Variants in KMT2B observed in about 807,000 individuals in gnomAD.
KMT2B encodes histone-lysine N-methyltransferase 2B.
In KMT2B, 22 loss-of-function variants were observed where a neutral mutation model predicts 255.3. The ratio of observed to expected loss-of-function variants is 0.09; its 90% CI spans 0.06 to 0.12. The LOEUF (loss-of-function observed/expected upper bound fraction) is 0.12. KMT2B is among the 10% of genes least tolerant of loss of function. The probability of loss-of-function intolerance (pLI) is 1.00; values close to 1 mark genes in which losing one functional copy is unlikely to be tolerated. For missense variants in KMT2B, 3,149 were observed against 3,737.0 expected, an observed-to-expected ratio of 0.84 and a Z score of 4.10; for synonymous variants, 1,730 against 1,498.1, an observed-to-expected ratio of 1.15 and a Z score of -3.57.
intron 19 of KMT2B, 96 bp downstream of exon 19, chr19:35,728,267 T>G (rs1172186007): frequency 1.8e-6 from 2 of 1,119,396 alleles, no homozygotes; most frequent in Admixed American, 2.0e-5. Context: ...TGAGCAGAGG[T>G]AGGGTCTGGA....
chr19:35,727,509 G>T lies in KMT2B; in HGVS notation c.4189G>T (p.Ala1397Ser). The change falls in exon 16 of 37, where the codon GCG becomes TCG. Residue 1397 changes from alanine to serine, a missense_variant. Coordinates refer to ENST00000420124, the MANE Select transcript of KMT2B (RefSeq NM_014727.3). The surrounding 1 kb of genome is among the most constrained non-coding windows in gnomAD (Gnocchi z 4.2). The part of the protein sequence containing the change: ...LYTCGPCAGA[A>S]QPRWREALSG... Reference sequence around the variant, plus strand: ...CACCTGCGGACCGTGTGCTGGGGCAGCGCAGCCCCGCTGGCGAGAGGCCCT... The same window carrying T: ...CACCTGCGGACCGTGTGCTGGGGCATCGCAGCCCCGCTGGCGAGAGGCCCT... The T allele has an allele frequency of 6.2e-7, 1 of 1,611,092 alleles. No homozygotes were observed. Among genetic ancestry groups the T allele is most frequent in the Non-Finnish European group, 8.5e-7 (1 of 1,179,808 alleles).
Position 35,728,262 on chromosome 19 carries a change from A to G in KMT2B, c.4571+91A>G. 8.7e-6 allele frequency: 10 copies of G among 1,155,036 alleles called. No homozygotes were observed. The South Asian group carries it at 1.3e-4, about 15-fold the overall frequency. The allele number at this position is 1,155,036 out of a possible 1,614,324, so 71.5% of individuals were successfully genotyped here. On this transcript the variant is annotated intron_variant, in intron 19 of 36. Coordinates refer to ENST00000420124, the MANE Select transcript of KMT2B (RefSeq NM_014727.3). Reference sequence around the variant, plus strand: ...CACGCTGGGCTGAGAAGAGATGAGCAGAGGTAGGGTCTGGAGCAGAGCTGG... The same window carrying G: ...CACGCTGGGCTGAGAAGAGATGAGCGGAGGTAGGGTCTGGAGCAGAGCTGG...
intron 2 of KMT2B, 64 bp downstream of exon 2, chr19:35,719,605 GCTCTTCCCTGTTCAA>G (rs1969099026): frequency 6.5e-7 from 1 of 1,529,394 alleles, no homozygotes; most frequent in East Asian, 2.3e-5. Flanking sequence ...CTTCGTGTCA[GCTCTTCCCTGTTCAA>G]CTAGCCTCTG....
At chr19:35,728,284 C>A (rs1469394818) in intron 19 of KMT2B, 113 bp downstream of exon 19, 4 of 931,382 alleles carry the variant, frequency 4.3e-6, no homozygotes, top group Non-Finnish European at 6.6e-6. Flanking sequence ...TGGAGCAGAG[C>A]TGGAGAGGAG....
At chr19:35,724,763 C>A in intron 9 of KMT2B, 32 bp downstream of exon 9, 1 of 1,536,898 alleles carries the variant, frequency 6.5e-7, no homozygotes, top group East Asian at 2.4e-5. Flanking sequence ...AGCCCCTTCC[C>A]TCCAGGAGCT....
At position 35,728,140 on chromosome 19, in the gene KMT2B, A is replaced by G; in HGVS notation, c.4540A>G (p.Lys1514Glu). The G allele has an allele frequency of 6.3e-7, 1 of 1,599,914 alleles. No homozygotes were observed. Reference protein sequence around the residue: ...AFGWFDAHDPKYWRRSTRLPN... With the variant: ...AFGWFDAHDPEYWRRSTRLPN... ...CGGCTGGTTCGACGCCCACGACCCC[A>G]AGTACTGGCGACGGAGTACCCGGCT... Residue 1514 changes from lysine (K) to glutamate (E), a missense_variant, in exon 19 of 37, where the codon AAG becomes GAG. Transcript: ENST00000420124.
chr19:35,728,328 T>C (rs1251304621), intron 19 of KMT2B, among the ~76,000 whole-genome samples, 157 bp downstream of exon 19: 4 of 152,030 alleles, frequency 2.6e-5, no homozygotes, highest in African/African-American at 9.7e-5. Flanking sequence ...CCCTGGTGGT[T>C]CTAGACTAGC....
In KMT2B at chr19:35,718,547, C is replaced by A. The variant is rs1444858013; in HGVS notation, c.363+166C>A. 6.6e-6 allele frequency among the ~76,000 whole-genome samples: 1 copy of A among 152,188 alleles called. No homozygotes were observed. The highest frequency in any genetic ancestry group is 1.5e-5 in the Non-Finnish European group (1 of 68,026). On this transcript the variant is annotated intron_variant, in intron 1 of 36. Transcript: ENST00000420124. The surrounding 1 kb of genome is among the most constrained non-coding windows in gnomAD (Gnocchi z 5.0). ...TGCATGCAGCTTCCGGGGGAAAGGG[C>A]CTCTGGAAGTGGGTAGAGAAGCCCC...
In KMT2B at chr19:35,723,634, C is replaced by T; in HGVS notation, c.3059-98C>T. ...TTCTCCGTTGTGTGCTTTCATAGCT[C>T]CTGCGTTCATTCCCTGCCCCGCTTC... On this transcript the variant is annotated intron_variant, in intron 7 of 36. Coordinates refer to ENST00000420124, the MANE Select transcript of KMT2B (RefSeq NM_014727.3). This position sits in a 1 kb window ranked among gnomAD's most constrained non-coding sequence, Gnocchi z 7.5. 5 of 1,305,656 alleles carry T rather than the reference C, an allele frequency of 3.8e-6. No individual in the cohort carries two copies. The highest frequency in any genetic ancestry group is 5.2e-6 in the Non-Finnish European group (5 of 956,544). 80.9% of individuals were successfully genotyped at this position (1,305,656 alleles called of 1,614,324 possible). A position where few individuals can be genotyped will look rare whatever the true frequency, so the allele number is the denominator to read the frequency against.
Position 35,733,588 on chromosome 19 carries a change from C to T in KMT2B, c.6960-9C>T. 1 of 1,567,340 alleles carries T rather than the reference C, an allele frequency of 6.4e-7. No homozygotes were observed. The highest frequency in any genetic ancestry group is 8.6e-7 in the Non-Finnish European group (1 of 1,156,324). On this transcript the variant is annotated splice_polypyrimidine_tract_variant and intron_variant, in intron 28 of 36. Transcript: ENST00000420124. The surrounding 1 kb of genome is among the most constrained non-coding windows in gnomAD (Gnocchi z 4.3). The stretch of plus-strand genomic sequence containing the variant: ...ATGCGGCTCATCCTTCTCGGGCTCG[C>T]CCTCCCAGGTTTAGCCGTGTGAGGA...
In KMT2B at chr19:35,732,802, CCTT is replaced by C; in HGVS notation, c.6255_6257del (p.Ser2086del). The C allele has an allele frequency of 1.9e-6, 3 of 1,606,332 alleles. No individual in the cohort carries two copies. The highest frequency in any genetic ancestry group is 2.5e-6 in the Non-Finnish European group (3 of 1,177,172). On this transcript the variant is annotated inframe_deletion, in exon 28 of 37. Transcript: ENST00000420124. ...GCAGCCTCGGGGCCAGGGCACGCCT[CCTT>C]CGGGGCCAGGAGTAGTCCGGGCAGG...
At chr19:35,731,280 T>TA (rs1195166952) in intron 26 of KMT2B, among the ~76,000 whole-genome samples, 1 of 152,210 alleles carries the variant, frequency 6.6e-6, no homozygotes, top group African/African-American at 2.4e-5. Flanking sequence ...CCGGCCCCCT[T>TA]ACAGCCACAC....
In KMT2B at chr19:35,730,431, G is replaced by A; in HGVS notation, c.5166G>A (p.Gly1722=). The change falls in exon 24 of 37, where the codon GGG becomes GGA. Residue 1722 remains glycine, a synonymous_variant. Transcript: ENST00000420124. The part of the protein sequence containing the change: ...GINFKRKFLT[G]LEPDAINVLI... ...ACTTCAAGCGGAAGTTCTTGACGGG[G>A]CTTGAACCCGATGCCATCAACGTGC... 1 of 1,613,850 alleles carries A rather than the reference G, an allele frequency of 6.2e-7. No individual in the cohort carries two copies. The highest frequency in any genetic ancestry group is 8.5e-7 in the Non-Finnish European group (1 of 1,179,748).
In KMT2B at chr19:35,720,867, C is replaced by T. The variant is rs868680634; in HGVS notation, c.1520C>T (p.Pro507Leu). 7.6e-6 allele frequency: 12 copies of T among 1,588,072 alleles called. No individual in the cohort carries two copies. Among genetic ancestry groups the T allele is most frequent in the African/African-American group, 5.4e-5 (4 of 73,942 alleles). ...PTPSTATGGP[P>L]EDSPTVAPKS... is the part of the protein sequence containing the mutation. Reference sequence around the variant, plus strand: ...CCCAGCACCGCCACGGGAGGCCCTCCGGAAGACAGTCCCACCGTGGCCCCC... The same window carrying T: ...CCCAGCACCGCCACGGGAGGCCCTCTGGAAGACAGTCCCACCGTGGCCCCC... Residue 507 changes from proline to leucine, a missense_variant, in exon 3 of 37, where the codon CCG (proline) becomes CTG (leucine). By Grantham distance (98) the Pro-to-Leu change is moderately conservative (BLOSUM62 -3). Around this residue, in one of 18 missense-constraint regions of KMT2B, gnomAD observed 1,188 missense variants for 1,106.4 expected, o/e 1.07. Transcript: ENST00000420124.
chr19:35,729,565 C>T (rs1005491581), intron 22 of KMT2B, among the ~76,000 whole-genome samples: 1 of 152,138 alleles, frequency 6.6e-6, no homozygotes, highest in African/African-American at 2.4e-5. Flanking sequence ...TGCTGGGTGG[C>T]GTTGAGCTCT....
chr19:35,737,912 A>C lies in KMT2B; in HGVS notation c.7712A>C (p.Lys2571Thr). 1 of 1,592,950 alleles carries C rather than the reference A, an allele frequency of 6.3e-7. No individual in the cohort carries two copies. The highest frequency in any genetic ancestry group is 8.6e-7 in the Non-Finnish European group (1 of 1,168,834). The change falls in exon 35 of 37, where the codon AAG (lysine) becomes ACG (threonine). Residue 2571 changes from lysine to threonine, a missense_variant. Lys to Thr is a moderately conservative substitution (Grantham distance 78). Transcript: ENST00000420124. This position sits in a 1 kb window ranked among gnomAD's most constrained non-coding sequence, Gnocchi z 5.3. ...GCCATGCGTTTTCGTCACCTTAAGA[A>C]GACGTCCAAAGAAGCTGTGGGTGTC... is the stretch of plus-strand genomic sequence containing the variant. ...PMAMRFRHLK[K>T]TSKEAVGVYR...
chr19:35,722,963 C>G, intron 5 of KMT2B, 32 bp from the exon 6 acceptor site: 1 of 1,509,296 alleles, frequency 6.6e-7, no homozygotes. Context: ...GGCTTTGTGG[C>G]TCCATCCCCT....
intron 3 of KMT2B, 24 bp downstream of exon 3, chr19:35,721,828 C>G: frequency 6.5e-7 from 1 of 1,535,336 alleles, no homozygotes; most frequent in Non-Finnish European, 8.8e-7. Flanking sequence ...CTGGGCCCAG[C>G]GGCACACCCA....
Position 35,725,240 on chromosome 19 carries a change from C to T in KMT2B, c.3549C>T (p.Asn1183=), listed in dbSNP as rs1050840595. ...VDFKEDCDLE[N]VWLMGGLSVL... ...CCCAGGAGGATTGTGATTTAGAGAA[C>T]GTGTGGCTGATGGGGGGCCTGAGTG... Residue 1183 remains asparagine, a synonymous_variant, in exon 11 of 37, where the codon AAC becomes AAT. Coordinates refer to ENST00000420124, the MANE Select transcript of KMT2B (RefSeq NM_014727.3). This position sits in a 1 kb window ranked among gnomAD's most constrained non-coding sequence, Gnocchi z 4.1. 2 of 1,611,430 alleles carry T rather than the reference C, an allele frequency of 1.2e-6. No homozygotes were observed. The highest frequency in any genetic ancestry group is 1.7e-6 in the Non-Finnish European group (2 of 1,178,748).
Sources: allele counts gnomAD v4.1 joint callset (sites outside exome capture counted in the v4.1 genomes callset), GRCh38; gene constraint gnomAD v4.1.1; regional missense constraint gnomAD v4.1.1; non-coding constraint Gnocchi (gnomAD v3.1); transcripts MANE v1.5; gene names NCBI Gene and HGNC (gene_info 2026-07-23, HGNC 2026-07-21).